The following PRR12 variants were observed in gnomAD, a reference collection of about 807,000 sequenced individuals.
PRR12 encodes proline-rich protein 12.
PRR12 carries 12 observed loss-of-function variants against 138.0 expected under a neutral mutation model. The ratio of observed to expected loss-of-function variants is 0.09; its 90% CI spans 0.06 to 0.14. The LOEUF (loss-of-function observed/expected upper bound fraction) is 0.14, where lower values mean the gene tolerates loss of function less well. Ranked by LOEUF, PRR12 falls within the 10% of genes least tolerant of loss-of-function variation. The pLI is 1.00. For missense variants in PRR12, 2,692 were observed against 2,861.3 expected (o/e 0.94, Z 1.35); for synonymous variants, 1,567 against 1,291.7 (o/e 1.21, Z -4.57).
Position 49,591,696 on chromosome 19 carries a change from C to G in PRR12, c.42C>G (p.Leu14=). ...NYPSAGFGDP[L]GAGAGWSYER... ...CCAGCGCCGGCTTCGGGGACCCGCT[C>G]GGCGCCGGGGCGGGATGGAGTTACG... Residue 14 remains leucine (L), a synonymous_variant, in exon 1 of 14, where the codon CTC becomes CTG. Coordinates refer to ENST00000418929, the MANE Select transcript of PRR12 (RefSeq NM_020719.3). 6.7e-7 allele frequency: 1 copy of G among 1,501,110 alleles called. No individual in the cohort carries two copies. The highest frequency in any genetic ancestry group is 8.9e-7 in the Non-Finnish European group (1 of 1,125,684). 93.0% of individuals were successfully genotyped at this position (1,501,110 alleles called of 1,614,324 possible). A position where few individuals can be genotyped will look rare whatever the true frequency, so the allele number is the denominator to read the frequency against.
rs375354908 is a variant in PRR12, at chr19:49,596,561, G to A, written c.2226G>A (p.Leu742=). 1.0e-5 allele frequency: 16 copies of A among 1,604,282 alleles called. No homozygotes were observed. The highest frequency in any genetic ancestry group is 1.4e-5 in the Non-Finnish European group (16 of 1,176,194). ...GGGGTGGCGAGACCCCCGAGGGGCT[G>A]GCCACCTCTGTTGTCCACTACGGGG... is the stretch of plus-strand genomic sequence containing the variant. The part of the protein sequence containing the change: ...PERGGETPEG[L]ATSVVHYGAG... The change falls in exon 4 of 14, where the codon CTG becomes CTA. Residue 742 remains leucine, a synonymous_variant. Coordinates refer to ENST00000418929, the MANE Select transcript of PRR12 (RefSeq NM_020719.3). The surrounding 1 kb of genome is among the most constrained non-coding windows in gnomAD (Gnocchi z 5.6).
Position 49,614,815 on chromosome 19 carries a change from G to T in PRR12, c.4891-61G>T, listed in dbSNP as rs1311830132. 1 of 1,610,236 alleles carries T rather than the reference G, an allele frequency of 6.2e-7. No individual in the cohort carries two copies. Among genetic ancestry groups the T allele is most frequent in the Non-Finnish European group, 8.5e-7 (1 of 1,177,030 alleles). On this transcript the variant is annotated intron_variant, in intron 7 of 13. Transcript: ENST00000418929. This position sits in a 1 kb window ranked among gnomAD's most constrained non-coding sequence, Gnocchi z 5.0. ...TGCCATGGTGGCCCAGGGCACGGGGGTGTTGGCCATCTGGCTGGGCAGTGT... is the reference window on the plus strand; with the variant it reads ...TGCCATGGTGGCCCAGGGCACGGGGTTGTTGGCCATCTGGCTGGGCAGTGT...
intron 6 of PRR12, among the ~76,000 whole-genome samples, chr19:49,609,222 C>T (rs534385137): frequency 5.3e-5 from 8 of 152,176 alleles, no homozygotes; most frequent in African/African-American, 1.2e-4. Flanking sequence ...GGCTGATCAC[C>T]GGAGTTTGAG....
At chr19:49,606,909 G>T (rs1291084040) in intron 6 of PRR12, among the ~76,000 whole-genome samples, 2 of 152,000 alleles carry the variant, frequency 1.3e-5, no homozygotes, top group East Asian at 3.8e-4. Flanking sequence ...ATAGACCATT[G>T]TTTATTCCAG....
chr19:49,593,465 T>C (rs1205696953), intron 2 of PRR12, 26 bp downstream of exon 2: 23 of 1,164,458 alleles, frequency 2.0e-5, no homozygotes, highest in Non-Finnish European at 2.9e-5. Context: ...CGCCCCGCTT[T>C]GGGCTGGCCC....
chr19:49,596,207 G>C lies in PRR12; in HGVS notation c.1872G>C (p.Leu624=). Residue 624 remains leucine, a synonymous_variant, in exon 4 of 14, where the codon CTG becomes CTC. Coordinates refer to ENST00000418929, the MANE Select transcript of PRR12 (RefSeq NM_020719.3). This position sits in a 1 kb window ranked among gnomAD's most constrained non-coding sequence, Gnocchi z 5.6. ...AGGGCAAGGGGGATGGCTCGGAGCT[G>C]CTGGCGGGCCCAGGTGGGCCTCCTG... ...GYKGKGDGSE[L]LAGPGGPPAE... is the part of the protein sequence containing the mutation. The C allele has an allele frequency of 6.2e-7, 1 of 1,610,894 alleles. No homozygotes were observed. Among genetic ancestry groups the C allele is most frequent in the Non-Finnish European group, 8.5e-7 (1 of 1,179,766 alleles).
chr19:49,614,477 G>A lies in PRR12; in HGVS notation c.4774-56G>A. On this transcript the variant is annotated intron_variant, in intron 6 of 13. Coordinates refer to ENST00000418929, the MANE Select transcript of PRR12 (RefSeq NM_020719.3). This position sits in a 1 kb window ranked among gnomAD's most constrained non-coding sequence, Gnocchi z 5.0. ...GCCAGTGGGCCAGGGCGTAGGGGCA[G>A]TAGGTCTAGGAATGAGGGCTGACCC... 2.3e-6 allele frequency: 3 copies of A among 1,297,700 alleles called. No individual in the cohort carries two copies. The highest frequency in any genetic ancestry group is 3.1e-6 in the Non-Finnish European group (3 of 957,662). The allele number at this position is 1,297,700 out of a possible 1,614,324, so 80.4% of individuals were successfully genotyped here.
chr19:49,598,432 CA>C (rs1470697437), intron 4 of PRR12, among the ~76,000 whole-genome samples: 1 of 152,062 alleles, frequency 6.6e-6, no homozygotes, highest in Non-Finnish European at 1.5e-5. Context: ...ATTTTTGGGG[CA>C]GGGGGATAAT....
intron 6 of PRR12, among the ~76,000 whole-genome samples, chr19:49,605,810 C>T (rs924955589): frequency 2.0e-5 from 3 of 152,234 alleles, no homozygotes; most frequent in African/African-American, 7.2e-5. Context: ...GGGGGCCAGG[C>T]GAGGACTCAG....
At chr19:49,612,883 C>T (rs1239612939) in intron 6 of PRR12, among the ~76,000 whole-genome samples, 6 of 151,788 alleles carry the variant, frequency 4.0e-5, no homozygotes, top group Non-Finnish European at 5.9e-5. Flanking sequence ...GGGCTGGTCT[C>T]AAACTCCCGA....
rs910341645 is a variant in PRR12, at chr19:49,595,557, C to G, written c.1222C>G (p.Pro408Ala). 2.5e-6 allele frequency: 4 copies of G among 1,587,818 alleles called. No homozygotes were observed. The African/African-American group carries it at 4.0e-5, about 16-fold the overall frequency. The change falls in exon 4 of 14, where the codon CCA becomes GCA. Residue 408 changes from proline (P) to alanine (A), a missense_variant. Physicochemically the swap from Pro to Ala is conservative, Grantham distance 27. Around this residue, in one of 11 missense-constraint regions of PRR12, gnomAD observed 523 missense variants for 496.4 expected, o/e 1.05. Transcript: ENST00000418929. Reference protein sequence around the residue: ...AAAGGATRPPPPRSTATPKCQ... With the variant: ...AAAGGATRPPAPRSTATPKCQ... The stretch of plus-strand genomic sequence containing the variant: ...TGCCGGGGGTGCCACCAGGCCCCCC[C>G]CACCCCGTTCGACCGCCACCCCCAA...
chr19:49,598,870 C>T (rs530856759), intron 4 of PRR12, among the ~76,000 whole-genome samples: 3 of 152,212 alleles, frequency 2.0e-5, no homozygotes, highest in African/African-American at 4.8e-5. Context: ...TTGGAGCTTA[C>T]GCTGGTTTGA....
intron 6 of PRR12, among the ~76,000 whole-genome samples, chr19:49,609,477 T>C (rs1039373109): frequency 6.6e-6 from 1 of 151,766 alleles, no homozygotes; most frequent in Admixed American, 6.6e-5. Context: ...GGCGGGTCCC[T>C]GTAATCCCAG....
chr19:49,595,169 T>C lies in PRR12; in HGVS notation c.834T>C (p.Pro278=), dbSNP rs200606724. 3.8e-5 allele frequency: 61 copies of C among 1,609,670 alleles called. No individual in the cohort carries two copies. Among genetic ancestry groups the C allele is most frequent in the Non-Finnish European group, 4.9e-5 (58 of 1,179,060 alleles). Residue 278 remains proline, a synonymous_variant, in exon 4 of 14, where the codon CCT becomes CCC. Transcript: ENST00000418929. ...GTGCTGCCCCGGGCCCACCGCCGCC[T>C]GAGCGGGCCCTGCCACGCCAGGACA... The part of the protein sequence containing the change: ...FSGAAPGPPP[P]ERALPRQDTV...
chr19:49,624,870 G>A lies in PRR12; in HGVS notation c.5748G>A (p.Leu1916=). Residue 1916 remains leucine (L), a synonymous_variant, in exon 12 of 14, where the codon CTG becomes CTA. Coordinates refer to ENST00000418929, the MANE Select transcript of PRR12 (RefSeq NM_020719.3). ...ATGCTCTGCACACGTTCCCACAGCT[G>A]CAAGTGGAGCAGAGTGGGGAGGGCT... ...LQDALHTFPQ[L]QVEQSGEGSP... 1.9e-6 allele frequency: 3 copies of A among 1,611,608 alleles called. No individual in the cohort carries two copies. Among genetic ancestry groups the A allele is most frequent in the Non-Finnish European group, 2.5e-6 (3 of 1,179,166 alleles).
At chr19:49,610,560 T>TTTTTTTTTTTTTTG (rs1222859731) in intron 6 of PRR12, among the ~76,000 whole-genome samples, 1 of 149,856 alleles carries the variant, frequency 6.7e-6, no homozygotes, top group African/African-American at 2.5e-5. Context: ...TTTTTTTTTT[T>TTTTTTTTTTTTTTG]GAGATGGAGT....
At chr19:49,611,643 G>C (rs974372930) in intron 6 of PRR12, among the ~76,000 whole-genome samples, 1 of 146,256 alleles carries the variant, frequency 6.8e-6, no homozygotes, top group African/African-American at 2.7e-5. Flanking sequence ...AAAAAAAAAG[G>C]CCGGGCGCGG....
Position 49,601,715 on chromosome 19 carries a change from G to T in PRR12, c.4570G>T (p.Ala1524Ser), listed in dbSNP as rs2080812444. 7 of 1,542,944 alleles carry T rather than the reference G, an allele frequency of 4.5e-6. No individual in the cohort carries two copies. Among genetic ancestry groups the T allele is most frequent in the Non-Finnish European group, 6.1e-6 (7 of 1,146,868 alleles). ...PPPPPAAAPLAAPPEEPAAPS... is the reference protein window; with the variant it reads ...PPPPPAAAPLSAPPEEPAAPS... ...ACCCCCACCAGCCGCTGCCCCACTG[G>T]CTGCTCCTCCTGAGGAGCCCGCCGC... The change falls in exon 6 of 14, where the codon GCT becomes TCT. Residue 1524 changes from alanine (A) to serine (S), a missense_variant. Physicochemically the swap from Ala to Ser is moderately conservative, Grantham distance 99 (BLOSUM62 1). Transcript: ENST00000418929.
chr19:49,609,042 A>C (rs2122338247), intron 6 of PRR12, among the ~76,000 whole-genome samples: 1 of 152,188 alleles, frequency 6.6e-6, no homozygotes, highest in East Asian at 1.9e-4. Context: ...GACTGGGCAC[A>C]GTGGCTCCTG....
Sources: gnomAD v4.1 joint callset for allele counts (sites outside exome capture counted in the v4.1 genomes callset) on GRCh38, gnomAD v4.1.1 for gene constraint, gnomAD v4.1.1 regional missense constraint, Gnocchi (gnomAD v3.1) non-coding constraint, MANE v1.5 for transcripts, NCBI Gene and HGNC (gene_info 2026-07-23, HGNC 2026-07-21) for gene names.